The following HS3ST4 variants were observed in gnomAD, a reference collection of about 807,000 sequenced individuals.
The protein encoded by HS3ST4 is heparan sulfate glucosamine 3-O-sulfotransferase 4.
A neutral mutation model predicts 29.2 loss-of-function variants in HS3ST4; 17 were observed. The observed-to-expected ratio is 0.58, with a 90% CI of 0.40 to 0.87. The LOEUF (loss-of-function observed/expected upper bound fraction) is 0.87. HS3ST4 is among the 40% of genes least tolerant of loss of function. HS3ST4 has a pLI of 0.00. For synonymous variants in HS3ST4, 314 were observed against 285.7 expected, an observed-to-expected ratio of 1.10 and a Z score of -1.00; for missense variants, 627 against 634.5, an observed-to-expected ratio of 0.99 and a Z score of 0.13.
At position 25,796,282 on chromosome 16, in the gene HS3ST4, T is replaced by C. The variant is rs149586552; in HGVS notation, c.734+103131T>C. Among the ~76,000 whole-genome samples, 682 of 152,350 alleles carry C rather than the reference T, an allele frequency of 4.5e-3. 4 individuals are homozygous for C. The highest frequency in any genetic ancestry group is 7.7e-3 in the Non-Finnish European group (521 of 68,022). On this transcript the variant is annotated intron_variant, in intron 1 of 1. Transcript: ENST00000331351. ...ATGCAGAAAATTGAGCTCACCCTGGTGAGCATCCCTTTCTTTTGGGGGTTT... is the reference window on the plus strand; with the variant it reads ...ATGCAGAAAATTGAGCTCACCCTGGCGAGCATCCCTTTCTTTTGGGGGTTT...
intron 1 of HS3ST4, among the ~76,000 whole-genome samples, chr16:25,696,148 A>C (rs1322447655): frequency 6.6e-6 from 1 of 152,248 alleles, no homozygotes; most frequent in Non-Finnish European, 1.5e-5. Context: ...TAAAATCTAC[A>C]GAGAAGCGAG....
intron 1 of HS3ST4, among the ~76,000 whole-genome samples, chr16:26,040,923 C>T (rs934796810): frequency 1.3e-5 from 2 of 152,108 alleles, no homozygotes; most frequent in Admixed American, 6.5e-5. Flanking sequence ...GATAAGCAGC[C>T]GAGATGGAAA....
intron 1 of HS3ST4, among the ~76,000 whole-genome samples, chr16:25,857,694 T>G (rs1022834349): frequency 1.7e-4 from 26 of 152,154 alleles, no homozygotes; most frequent in Admixed American, 1.4e-3. Context: ...TATCATTTTT[T>G]TAATTTACGC....
At chr16:26,032,025 A>G (rs947413316) in intron 1 of HS3ST4, among the ~76,000 whole-genome samples, 1 of 152,186 alleles carries the variant, frequency 6.6e-6, no homozygotes, top group Non-Finnish European at 1.5e-5. Context: ...CTGAAGATCC[A>G]CAATCTAGAA....
chr16:25,800,883 T>C (rs1214916108), intron 1 of HS3ST4, among the ~76,000 whole-genome samples: 2 of 152,180 alleles, frequency 1.3e-5, no homozygotes, highest in Non-Finnish European at 2.9e-5. Context: ...AAATGAGCCC[T>C]CACCAGACAT....
At chr16:26,055,341 G>A (rs1451867363) in intron 1 of HS3ST4, among the ~76,000 whole-genome samples, 1 of 152,074 alleles carries the variant, frequency 6.6e-6, no homozygotes, top group African/African-American at 2.4e-5. Context: ...GATGATATTT[G>A]TAAAGTACTT....
rs1225053007 is a variant in HS3ST4 at position 26,137,478 on chromosome 16, T to A, written c.*1230T>A. The A allele has an allele frequency of 6.6e-6, 1 of 152,220 alleles. No individual in the cohort carries two copies. Among genetic ancestry groups the A allele is most frequent in the Non-Finnish European group, 1.5e-5 (1 of 68,038 alleles). 9.4% of individuals were successfully genotyped at this position (152,220 alleles called of 1,614,324 possible). A position where few individuals can be genotyped will look rare whatever the true frequency, so the allele number is the denominator to read the frequency against. On this transcript the variant is annotated 3_prime_UTR_variant, in exon 2 of 2. Coordinates refer to ENST00000331351, the MANE Select transcript of HS3ST4 (RefSeq NM_006040.3). The stretch of plus-strand genomic sequence containing the variant: ...GAAACCCCCATCAAGAGCTGCTGAA[T>A]GAAGTGTCCCTTCCCATCAGTTTGA...
chr16:26,063,091 A>G (rs1898499529), intron 1 of HS3ST4: 1 of 158,530 alleles, frequency 6.3e-6, no homozygotes, highest in African/African-American at 2.4e-5. Context: ...AACTTTCTAA[A>G]TGCTTGTCTG....
chr16:25,969,330 A>C (rs112457179), intron 1 of HS3ST4, among the ~76,000 whole-genome samples: 13,372 of 152,218 alleles, frequency 0.088, 777 homozygotes, highest in Non-Finnish European at 0.12. Context: ...TAGACATTTT[A>C]TTCCTTGAGA....
chr16:26,134,769 T>C (rs1426900320), intron 1 of HS3ST4, among the ~76,000 whole-genome samples: 1 of 152,226 alleles, frequency 6.6e-6, no homozygotes, highest in Admixed American at 6.5e-5. Flanking sequence ...ATTTGCACAA[T>C]AATACCTTTG....
At chr16:26,104,607 T>C (rs1021346429) in intron 1 of HS3ST4, among the ~76,000 whole-genome samples, 1 of 152,202 alleles carries the variant, frequency 6.6e-6, no homozygotes, top group Non-Finnish European at 1.5e-5. Context: ...TTTCGTGGCT[T>C]CAAAGACCTT....
chr16:25,949,392 C>G lies in HS3ST4; in HGVS notation c.735-186220C>G, dbSNP rs139779574. Among the ~76,000 whole-genome samples, 289 of 152,316 alleles carry G rather than the reference C, an allele frequency of 1.9e-3. 1 individual carries two copies. Among genetic ancestry groups the G allele is most frequent in the African/African-American group, 6.5e-3 (269 of 41,574 alleles). On this transcript the variant is annotated intron_variant, in intron 1 of 1. Coordinates refer to ENST00000331351, the MANE Select transcript of HS3ST4 (RefSeq NM_006040.3). The stretch of plus-strand genomic sequence containing the variant: ...CCACCACTGCCCTTCCCAGTCCCTG[C>G]TAACCATCCTTCTACTCTCTATGTT...
At chr16:26,040,774 G>T (rs1969630694) in intron 1 of HS3ST4, among the ~76,000 whole-genome samples, 1 of 152,024 alleles carries the variant, frequency 6.6e-6, no homozygotes, top group Non-Finnish European at 1.5e-5. Flanking sequence ...TAACATAGTT[G>T]TCACTGTCAT....
chr16:25,759,226 T>C (rs984279560), intron 1 of HS3ST4, among the ~76,000 whole-genome samples: 3 of 152,190 alleles, frequency 2.0e-5, no homozygotes, highest in Non-Finnish European at 4.4e-5. Context: ...TTACAATAGC[T>C]TGCAGTTAGA....
At chr16:25,894,168 C>G (rs1270469001) in intron 1 of HS3ST4, among the ~76,000 whole-genome samples, 1 of 152,174 alleles carries the variant, frequency 6.6e-6, no homozygotes, top group Non-Finnish European at 1.5e-5. Context: ...ATTTTAGTGG[C>G]TTTCCTTGGA....
intron 1 of HS3ST4, among the ~76,000 whole-genome samples, chr16:25,990,024 A>G (rs1186999394): frequency 1.3e-5 from 2 of 152,236 alleles, no homozygotes; most frequent in African/African-American, 2.4e-5. Flanking sequence ...AGTTGGAATC[A>G]TAGAGTATAT....
At chr16:25,857,375 G>C (rs2141652542) in intron 1 of HS3ST4, among the ~76,000 whole-genome samples, 1 of 152,272 alleles carries the variant, frequency 6.6e-6, no homozygotes, top group East Asian at 1.9e-4. Flanking sequence ...CAACTTTTCT[G>C]TTGTTGGAAG....
intron 1 of HS3ST4, among the ~76,000 whole-genome samples, chr16:25,914,058 TG>T (rs1341945246): frequency 7.1e-6 from 1 of 141,566 alleles, no homozygotes; most frequent in African/African-American, 2.9e-5. Flanking sequence ...GGGGTGTGTG[TG>T]TGCACGGAGT....
intron 1 of HS3ST4, among the ~76,000 whole-genome samples, chr16:25,747,322 A>AC (rs2141600230): frequency 6.6e-6 from 1 of 152,340 alleles, no homozygotes; most frequent in South Asian, 2.1e-4. Context: ...TTCAGAAGAC[A>AC]CAGAAATGGC....
Sources: gnomAD v4.1 joint callset for allele counts (sites outside exome capture counted in the v4.1 genomes callset) on GRCh38, gnomAD v4.1.1 for gene constraint, MANE v1.5 for transcripts, NCBI Gene and HGNC (gene_info 2026-07-23, HGNC 2026-07-21) for gene names.